Variants in SGCZ observed in about 807,000 individuals in gnomAD.
The protein encoded by SGCZ is zeta-sarcoglycan.
SGCZ carries 40 observed loss-of-function variants against 41.3 expected under a neutral mutation model. The ratio of observed to expected loss-of-function variants is 0.97; its 90% CI spans 0.75 to 1.26. SGCZ has a LOEUF of 1.26. Among genes scored for constraint, SGCZ ranks in the 50% most tolerant of loss-of-function variants. The pLI is 0.00. For missense variants in SGCZ, 552 were observed against 369.8 expected (o/e 1.49, Z -4.04); for synonymous variants, 206 against 137.5 (o/e 1.50, Z -3.49).
At chr8:14,523,767 T>C (rs1200098949) in intron 2 of SGCZ, among the ~76,000 whole-genome samples, 3 of 152,202 alleles carry the variant, frequency 2.0e-5, no homozygotes, top group Non-Finnish European at 4.4e-5. Flanking sequence ...TTTCTTCCAG[T>C]AAGTTTCAGC....
chr8:14,441,981 C>A (rs963153187), intron 2 of SGCZ, among the ~76,000 whole-genome samples: 1 of 152,160 alleles, frequency 6.6e-6, no homozygotes, highest in African/African-American at 2.4e-5. Flanking sequence ...ATTTCATATT[C>A]TCTTACTTTT....
intron 4 of SGCZ, among the ~76,000 whole-genome samples, chr8:14,178,146 GTTT>G (rs1804611668): frequency 6.6e-6 from 1 of 151,426 alleles, no homozygotes; most frequent in Non-Finnish European, 1.5e-5. Flanking sequence ...TGGAGATGGG[GTTT>G]CACCATGTTG....
chr8:14,279,574 G>A (rs1800349731), intron 3 of SGCZ, among the ~76,000 whole-genome samples: 1 of 151,604 alleles, frequency 6.6e-6, no homozygotes, highest in Non-Finnish European at 1.5e-5. Flanking sequence ...CTTTATTAAT[G>A]ACAACAAAAA....
At chr8:14,171,512 T>C (rs771985219) in intron 4 of SGCZ, among the ~76,000 whole-genome samples, 1 of 152,062 alleles carries the variant, frequency 6.6e-6, no homozygotes, top group African/African-American at 2.4e-5. Flanking sequence ...AAGTTCCACA[T>C]GAAATTTCAA....
chr8:14,924,906 G>A (rs1010329411), intron 1 of SGCZ, among the ~76,000 whole-genome samples: 4 of 146,478 alleles, frequency 2.7e-5, no homozygotes, highest in African/African-American at 7.6e-5. Flanking sequence ...CACCCAGGCT[G>A]GAGTGCAATG....
At chr8:14,593,604 A>G (rs1387151938) in intron 1 of SGCZ, among the ~76,000 whole-genome samples, 1 of 152,210 alleles carries the variant, frequency 6.6e-6, no homozygotes, top group Non-Finnish European at 1.5e-5. Context: ...GTGAAGGTGT[A>G]AGTGTTTCCA....
At chr8:14,260,889 T>C (rs187397539) in intron 3 of SGCZ, among the ~76,000 whole-genome samples, 14 of 152,122 alleles carry the variant, frequency 9.2e-5, no homozygotes, top group South Asian at 4.2e-4. Flanking sequence ...CAGGTGGGAA[T>C]TGAACAATGA....
chr8:15,043,563 A>G (rs893528990), intron 1 of SGCZ, among the ~76,000 whole-genome samples: 2 of 152,126 alleles, frequency 1.3e-5, no homozygotes, highest in Non-Finnish European at 2.9e-5. Context: ...AGGCAACATC[A>G]TTTTTCCTGT....
intron 1 of SGCZ, among the ~76,000 whole-genome samples, chr8:14,809,638 A>C (rs1484853193): frequency 6.6e-6 from 1 of 152,196 alleles, no homozygotes; most frequent in Admixed American, 6.5e-5. Context: ...AATTGTCTAT[A>C]GCTTAAAGTG....
intron 1 of SGCZ, among the ~76,000 whole-genome samples, chr8:15,022,841 A>G (rs527751630): frequency 1.3e-5 from 2 of 152,334 alleles, no homozygotes; most frequent in South Asian, 4.1e-4. Context: ...TTGTGCAAGA[A>G]TTACTATTTT....
chr8:14,802,472 G>T (rs1359735078), intron 1 of SGCZ, among the ~76,000 whole-genome samples: 2 of 152,060 alleles, frequency 1.3e-5, no homozygotes, highest in African/African-American at 4.8e-5. Context: ...CCATTCAGGG[G>T]ATACTCCCAT....
Position 14,180,324 on chromosome 8 carries a change from T to C in SGCZ, c.425-15622A>G, listed in dbSNP as rs558338500. Among the ~76,000 whole-genome samples, 5 of 152,228 alleles carry C rather than the reference T, an allele frequency of 3.3e-5. No individual in the cohort carries two copies. In the South Asian group the frequency reaches 8.3e-4, roughly 25 times the overall value. On this transcript the variant is annotated intron_variant, in intron 4 of 7. Coordinates refer to ENST00000382080, the MANE Select transcript of SGCZ (RefSeq NM_139167.4). ...AAGGAGTGTCCTGATCACTAGTCCT[T>C]CAAGCACTGCAGGAAGTGCTTGGAC...
intron 1 of SGCZ, among the ~76,000 whole-genome samples, chr8:14,720,925 T>C (rs189253423): frequency 6.6e-6 from 1 of 151,742 alleles, no homozygotes; most frequent in African/African-American, 2.4e-5. Flanking sequence ...TTTTTTTTAA[T>C]TTTTTTTATG....
chr8:14,146,891 A>T (rs201371034), intron 5 of SGCZ, among the ~76,000 whole-genome samples: 65,163 of 135,372 alleles, frequency 0.48, 18,601 homozygotes, highest in East Asian at 0.75. Context: ...AAATAAAAAA[A>T]ATAATAATAA....
chr8:14,553,469 A>G lies in SGCZ; in HGVS notation c.234+1263T>C, dbSNP rs543437498. Among the ~76,000 whole-genome samples the G allele has an allele frequency of 2.6e-5, 4 of 152,116 alleles. No homozygotes were observed. In the East Asian group the frequency reaches 7.8e-4, roughly 30 times the overall value. ...TCCTGGCCAACTTTTCTTTGCCTTCAGTTTCTTATTTGATGAATACTTTAC... is the reference window on the plus strand; with the variant it reads ...TCCTGGCCAACTTTTCTTTGCCTTCGGTTTCTTATTTGATGAATACTTTAC... On this transcript the variant is annotated intron_variant, in intron 2 of 7. Coordinates refer to ENST00000382080, the MANE Select transcript of SGCZ (RefSeq NM_139167.4).
At chr8:15,021,741 C>T (rs1169949503) in intron 1 of SGCZ, among the ~76,000 whole-genome samples, 1 of 152,208 alleles carries the variant, frequency 6.6e-6, no homozygotes, top group Non-Finnish European at 1.5e-5. Context: ...CCTTCTTTCA[C>T]TGCTGAGGCC....
At chr8:15,084,810 A>C (rs1314840344) in intron 1 of SGCZ, among the ~76,000 whole-genome samples, 1 of 152,128 alleles carries the variant, frequency 6.6e-6, no homozygotes, top group Non-Finnish European at 1.5e-5. Flanking sequence ...TAGTGTAAGA[A>C]CATATTTTTG....
intron 3 of SGCZ, among the ~76,000 whole-genome samples, chr8:14,257,970 T>G (rs1425684754): frequency 1.3e-5 from 2 of 152,190 alleles, no homozygotes; most frequent in Non-Finnish European, 2.9e-5. Flanking sequence ...AACAATTTGC[T>G]GCAGTGTCTC....
intron 2 of SGCZ, among the ~76,000 whole-genome samples, chr8:14,389,273 A>C (rs1057342176): frequency 9.2e-5 from 14 of 151,942 alleles, no homozygotes; most frequent in African/African-American, 3.1e-4. Flanking sequence ...TTCCAGTAAG[A>C]GTGTAGGAGA....
Sources: gnomAD v4.1 joint callset for allele counts (sites outside exome capture counted in the v4.1 genomes callset) on GRCh38, gnomAD v4.1.1 for gene constraint, MANE v1.5 for transcripts, NCBI Gene and HGNC (gene_info 2026-07-23, HGNC 2026-07-21) for gene names.